Variants in ZNF420 observed in about 807,000 individuals in gnomAD.
ZNF420 encodes zinc finger protein 420.
ZNF420 carries 31 observed loss-of-function variants against 44.7 expected under a neutral mutation model. The observed-to-expected ratio is 0.69, with a 90% CI of 0.52 to 0.94. The LOEUF (loss-of-function observed/expected upper bound fraction) is 0.94, where lower values mean the gene tolerates loss of function less well. Among genes scored for constraint, ZNF420 ranks in the 40% least tolerant of loss-of-function variants. The pLI, the probability that ZNF420 is intolerant of heterozygous loss-of-function variation, is 0.00. For missense variants in ZNF420, 681 were observed against 827.9 expected (o/e 0.82, Z 2.18); for synonymous variants, 245 against 267.4 (o/e 0.92, Z 0.82).
chr19:37,068,328 C>A (rs1403343111), intron 1 of ZNF420, among the ~76,000 whole-genome samples: 1 of 151,990 alleles, frequency 6.6e-6, no homozygotes, highest in East Asian at 1.9e-4. Flanking sequence ...CATCACATCA[C>A]AAAATAAAAT....
At chr19:37,119,353 A>G (rs1970887607) in intron 4 of ZNF420, among the ~76,000 whole-genome samples, 1 of 152,196 alleles carries the variant, frequency 6.6e-6, no homozygotes, top group African/African-American at 2.4e-5. Context: ...AAACTGAACA[A>G]CCTGCTCCTG....
At chr19:37,102,019 T>G (rs1476428364) in intron 4 of ZNF420, among the ~76,000 whole-genome samples, 3 of 152,186 alleles carry the variant, frequency 2.0e-5, no homozygotes, top group African/African-American at 7.2e-5. Flanking sequence ...GAGCTTAGAC[T>G]GGGCCCTCTC....
intron 4 of ZNF420, among the ~76,000 whole-genome samples, chr19:37,098,443 A>G (rs1474996362): frequency 6.6e-6 from 1 of 152,176 alleles, no homozygotes; most frequent in Non-Finnish European, 1.5e-5. Flanking sequence ...TTATTGCTGT[A>G]TATCAGTTAT....
chr19:37,065,771 T>G (rs12327654), intron 1 of ZNF420, among the ~76,000 whole-genome samples: 4,120 of 152,326 alleles, frequency 0.027, 163 homozygotes, highest in African/African-American at 0.092. Flanking sequence ...TGTGGTAATT[T>G]GATACAAGAA....
intron 1 of ZNF420, among the ~76,000 whole-genome samples, chr19:37,031,002 C>T (rs1967247846): frequency 6.6e-6 from 1 of 151,886 alleles, no homozygotes; most frequent in Non-Finnish European, 1.5e-5. Context: ...TTATAGGTGC[C>T]CCCCCACCAC....
intron 4 of ZNF420, among the ~76,000 whole-genome samples, chr19:37,121,755 C>A (rs1274783061): frequency 6.6e-6 from 1 of 152,136 alleles, no homozygotes; most frequent in Non-Finnish European, 1.5e-5. Context: ...CCAGAATCTA[C>A]AATGAACTCA....
At chr19:37,106,910 C>T (rs1178800392) in intron 4 of ZNF420, 1 of 151,872 alleles carries the variant, frequency 6.6e-6, no homozygotes, top group East Asian at 1.9e-4. Context: ...GTGTCGTAAA[C>T]AAGGTTAAGA....
Position 37,112,309 on chromosome 19 carries a change from C to T in ZNF420, c.137-14819C>T, listed in dbSNP as rs116231566. ...TTGTGGGGCTATATAATGGGGCAGGCATAGTGATTTCCTCACCCCATTGTT... is the reference window on the plus strand; with the variant it reads ...TTGTGGGGCTATATAATGGGGCAGGTATAGTGATTTCCTCACCCCATTGTT... On this transcript the variant is annotated intron_variant, in intron 4 of 4. Transcript: ENST00000337995. Among the ~76,000 whole-genome samples the T allele has an allele frequency of 2.8e-3, 425 of 152,196 alleles. 2 individuals carry two copies. Among genetic ancestry groups the T allele is most frequent in the African/African-American group, 9.9e-3 (409 of 41,514 alleles).
intron 1 of ZNF420, among the ~76,000 whole-genome samples, chr19:37,027,218 A>G (rs1967174949): frequency 6.6e-6 from 1 of 152,176 alleles, no homozygotes; most frequent in South Asian, 2.1e-4. Context: ...GCACCACTGC[A>G]CTCCAGCCTG....
chr19:37,064,673 C>G (rs568408577), intron 1 of ZNF420, among the ~76,000 whole-genome samples: 2 of 152,340 alleles, frequency 1.3e-5, no homozygotes, highest in Non-Finnish European at 2.9e-5. Flanking sequence ...GCCATACTCT[C>G]CCTGGATAGA....
intron 1 of ZNF420, among the ~76,000 whole-genome samples, chr19:37,019,752 G>A (rs1463216153): frequency 6.8e-6 from 1 of 146,320 alleles, no homozygotes; most frequent in Non-Finnish European, 1.5e-5. Flanking sequence ...GGGGGACAGA[G>A]AAAGACTCAT....
intron 4 of ZNF420, among the ~76,000 whole-genome samples, chr19:37,123,859 C>T (rs2145323756): frequency 6.6e-6 from 1 of 152,196 alleles, no homozygotes. Context: ...CCGCCCGCCT[C>T]AGCCTCCCAA....
In ZNF420 at chr19:37,064,966, G is replaced by A. The variant is rs191988121; in HGVS notation, c.-124-15379G>A. ...ACAATCGTAGAGGCTGCGAAGGCCC[G>A]AGCTCTGGGAGCCCATGCTATTTAT... On this transcript the variant is annotated intron_variant, in intron 1 of 4. Coordinates refer to the ZNF420 transcript ENST00000587029. Among the ~76,000 whole-genome samples, 44 of 152,160 alleles carry A rather than the reference G, an allele frequency of 2.9e-4. 1 individual carries two copies. Among genetic ancestry groups the A allele is most frequent in the African/African-American group, 2.2e-4 (9 of 41,430 alleles).
intron 4 of ZNF420, among the ~76,000 whole-genome samples, chr19:37,113,174 T>G (rs771554526): frequency 2.0e-5 from 3 of 152,212 alleles, no homozygotes; most frequent in African/African-American, 7.2e-5. Flanking sequence ...TAGAATGACA[T>G]TGACTAGCCC....
At chr19:37,020,161 GA>G (rs1354337572) in intron 1 of ZNF420, among the ~76,000 whole-genome samples, 2 of 149,596 alleles carry the variant, frequency 1.3e-5, no homozygotes, top group African/African-American at 2.5e-5. Flanking sequence ...AGCTTGCAGT[GA>G]GCCCAGATGG....
intron 4 of ZNF420, chr19:37,107,557 T>C (rs1348236443): frequency 1.3e-5 from 2 of 152,082 alleles, no homozygotes; most frequent in Non-Finnish European, 2.9e-5. Flanking sequence ...TTATGTCTAC[T>C]TATTTCTGCA....
At chr19:37,125,321 CTG>C (rs372582645) in intron 4 of ZNF420, among the ~76,000 whole-genome samples, 1 of 151,988 alleles carries the variant, frequency 6.6e-6, no homozygotes, top group Admixed American at 6.6e-5. Flanking sequence ...ACAAAGGAAA[CTG>C]TGAAGTAAGG....
chr19:37,111,932 G>A (rs189953981), intron 4 of ZNF420, among the ~76,000 whole-genome samples: 96 of 152,194 alleles, frequency 6.3e-4, no homozygotes, highest in Non-Finnish European at 7.6e-4. Flanking sequence ...CGGCCCTTAA[G>A]TCAGTTAACA....
chr19:37,107,890 A>G (rs1970182874), intron 4 of ZNF420, among the ~76,000 whole-genome samples: 1 of 152,128 alleles, frequency 6.6e-6, no homozygotes, highest in African/African-American at 2.4e-5. Context: ...GGAAATGTCT[A>G]AAGTGAGATT....
Sources: gnomAD v4.1 joint callset for allele counts (sites outside exome capture counted in the v4.1 genomes callset) on GRCh38, gnomAD v4.1.1 for gene constraint, MANE v1.5 for transcripts, NCBI Gene and HGNC (gene_info 2026-07-23, HGNC 2026-07-21) for gene names.